FRMPD4: variants seen among roughly 807,000 people sequenced by gnomAD.
FRMPD4 encodes FERM and PDZ domain containing 4, also known as FERM and PDZ domain-containing protein 4.
FRMPD4 carries 22 observed loss-of-function variants against 94.1 expected under a neutral mutation model. That is an observed-to-expected ratio of 0.23 (90% CI 0.17 to 0.33). The LOEUF is 0.33. Among genes scored for constraint, FRMPD4 ranks in the 10% least tolerant of loss-of-function variants. The pLI, the probability that FRMPD4 is intolerant of heterozygous loss-of-function variation, is 1.00. For missense variants in FRMPD4, 1,111 were observed against 1,339.9 expected, an observed-to-expected ratio of 0.83 and a Z score of 2.67; for synonymous variants, 631 against 548.6, an observed-to-expected ratio of 1.15 and a Z score of -2.10.
At chrX:12,079,914 C>T (rs2055048952) in intron 3 of FRMPD4, among the ~76,000 whole-genome samples, 1 of 112,407 alleles carries the variant, frequency 8.9e-6, no homozygotes, top group Non-Finnish European at 1.9e-5. Context: ...ACATTCTAGG[C>T]TTTAAATAAA....
chrX:11,846,037 A>C (rs1183590099), intron 1 of FRMPD4, among the ~76,000 whole-genome samples: 1 of 103,540 alleles, frequency 9.7e-6, no homozygotes, highest in Non-Finnish European at 2.0e-5. Context: ...CAGGGCAATT[A>C]GGCAGGAGAA....
chrX:12,188,879 T>A (rs916764), intron 1 of FRMPD4, among the ~76,000 whole-genome samples: 1 of 110,297 alleles, frequency 9.1e-6, no homozygotes, highest in South Asian at 3.9e-4. Context: ...ATTTTCACCT[T>A]TGTTCTTCTT....
At chrX:11,994,833 T>G (rs1193414204) in intron 3 of FRMPD4, among the ~76,000 whole-genome samples, 5 of 111,960 alleles carry the variant, frequency 4.5e-5, no homozygotes, top group African/African-American at 1.6e-4. Flanking sequence ...GAGTTTACAC[T>G]TAGTCCATAG....
chrX:12,693,426 A>C (rs2060096989), intron 8 of FRMPD4, among the ~76,000 whole-genome samples: 1 of 112,403 alleles, frequency 8.9e-6, no homozygotes, highest in African/African-American at 3.2e-5. Flanking sequence ...CTAGTATGTG[A>C]CACATATTAT....
intron 1 of FRMPD4, among the ~76,000 whole-genome samples, chrX:12,386,459 A>G (rs2056398876): frequency 9.0e-6 from 1 of 111,679 alleles, no homozygotes; most frequent in Non-Finnish European, 1.9e-5. Context: ...GATAGATGAG[A>G]TCCTCAAAGC....
chrX:11,963,415 C>T (rs191581416), intron 3 of FRMPD4, among the ~76,000 whole-genome samples: 1 of 112,400 alleles, frequency 8.9e-6, no homozygotes, highest in African/African-American at 3.2e-5. Context: ...TCCTGTTTGC[C>T]ATAAGCAATC....
chrX:12,364,057 A>T (rs761020689), intron 1 of FRMPD4, among the ~76,000 whole-genome samples: 1 of 111,789 alleles, frequency 8.9e-6, no homozygotes, highest in Non-Finnish European at 1.9e-5. Context: ...TTATGTTTCC[A>T]TATCAAGGAA....
intron 1 of FRMPD4, among the ~76,000 whole-genome samples, chrX:12,448,720 C>G (rs908064997): frequency 1.3e-4 from 15 of 112,419 alleles, no homozygotes; most frequent in African/African-American, 4.5e-4. Flanking sequence ...GCTTCTATTT[C>G]ATGCTCTTAA....
At chrX:12,481,721 C>CA (rs1006451051) in intron 1 of FRMPD4, among the ~76,000 whole-genome samples, 3 of 107,826 alleles carry the variant, frequency 2.8e-5, no homozygotes, top group Admixed American at 2.0e-4. Flanking sequence ...GCGGGTGGAT[C>CA]ACTAGGTCAG....
chrX:11,876,075 T>TGTGTTAGCCAGGATGGTC (rs2053783497), intron 2 of FRMPD4, among the ~76,000 whole-genome samples: 1 of 108,196 alleles, frequency 9.2e-6, no homozygotes, highest in Non-Finnish European at 1.9e-5. Flanking sequence ...GGGGTTTCAC[T>TGTGTTAGCCAGGATGGTC]GTGTTAGCCA....
chrX:12,528,105 TCATC>T (rs1017225701), intron 2 of FRMPD4, among the ~76,000 whole-genome samples: 4 of 111,770 alleles, frequency 3.6e-5, no homozygotes, highest in African/African-American at 1.3e-4. Context: ...ATTCATTTAT[TCATC>T]CATTCATTCA....
chrX:12,723,038 G>A lies in FRMPD4; in HGVS notation c.*1180G>A. ...AGAAAATCAGGGAGAGATGGCTACT[G>A]TAATCATGGGAGCCATGAGTAAATA... is the stretch of plus-strand genomic sequence containing the variant. On this transcript the variant is annotated 3_prime_UTR_variant, in exon 17 of 17. Coordinates refer to ENST00000675598, the MANE Select transcript of FRMPD4 (RefSeq NM_001368397.1). 1 of 110,498 alleles carries A rather than the reference G, an allele frequency of 9.0e-6. No individual in the cohort carries two copies. 9.1% of individuals were successfully genotyped at this position (110,498 alleles called of 1,213,427 possible).
intron 3 of FRMPD4, among the ~76,000 whole-genome samples, chrX:11,981,099 C>A (rs1021288787): frequency 1.8e-5 from 2 of 111,496 alleles, no homozygotes; most frequent in Non-Finnish European, 3.8e-5. Flanking sequence ...TAATATCTGG[C>A]CTTTTATAGA....
At chrX:12,320,958 G>A (rs1415563899) in intron 1 of FRMPD4, among the ~76,000 whole-genome samples, 1 of 112,112 alleles carries the variant, frequency 8.9e-6, no homozygotes. Flanking sequence ...TAATATTCAT[G>A]ACACTGACCC....
chrX:11,909,961 A>C (rs963486191), intron 3 of FRMPD4, among the ~76,000 whole-genome samples: 1 of 111,644 alleles, frequency 9.0e-6, no homozygotes, highest in Non-Finnish European at 1.9e-5. Flanking sequence ...GTCTATATTG[A>C]TGAATATATA....
intron 1 of FRMPD4, among the ~76,000 whole-genome samples, chrX:12,405,164 T>C (rs1336724226): frequency 9.0e-6 from 1 of 111,532 alleles, no homozygotes. Context: ...TGAGAATCAC[T>C]GGTTTAAAGG....
chrX:12,088,682 G>A (rs771254356), intron 3 of FRMPD4, among the ~76,000 whole-genome samples: 1 of 111,781 alleles, frequency 8.9e-6, no homozygotes, highest in African/African-American at 3.3e-5. Flanking sequence ...ATGGATTTCT[G>A]TCCCCAGGGA....
intron 3 of FRMPD4, among the ~76,000 whole-genome samples, chrX:12,037,479 A>G (rs1260820806): frequency 1.8e-5 from 2 of 111,963 alleles, no homozygotes; most frequent in Non-Finnish European, 3.8e-5. Context: ...ACGGAATTAT[A>G]TAAATGAAAT....
chrX:12,445,509 C>T (rs187998894), intron 1 of FRMPD4, among the ~76,000 whole-genome samples: 42 of 112,628 alleles, frequency 3.7e-4, no homozygotes, highest in Admixed American at 3.0e-3. Flanking sequence ...ATGCCTGTCA[C>T]GTATAAGACA....
Sources: gnomAD v4.1 joint callset for allele counts (sites outside exome capture counted in the v4.1 genomes callset) on GRCh38, gnomAD v4.1.1 for gene constraint, MANE v1.5 for transcripts, NCBI Gene and HGNC (gene_info 2026-07-23, HGNC 2026-07-21) for gene names.